The following FGF12 variants were observed in gnomAD, a reference collection of about 807,000 sequenced individuals.
FGF12 encodes the protein fibroblast growth factor 12B.
In FGF12, 14 loss-of-function variants were observed where a neutral mutation model predicts 23.6. The observed-to-expected ratio is 0.59, with a 90% confidence interval of 0.39 to 0.93. The LOEUF is 0.93. Among genes scored for constraint, FGF12 ranks in the 40% least tolerant of loss-of-function variants. FGF12 has a pLI of 0.00. For synonymous variants in FGF12, 62 were observed against 77.3 expected, an observed-to-expected ratio of 0.80 and a Z score of 1.04; for missense variants, 175 against 217.8, an observed-to-expected ratio of 0.80 and a Z score of 1.24.
intron 2 of FGF12, among the ~76,000 whole-genome samples, chr3:192,639,467 A>G (rs1715709556): frequency 6.6e-6 from 1 of 152,244 alleles, no homozygotes; most frequent in African/African-American, 2.4e-5. Flanking sequence ...GCCCCCAAAA[A>G]TGAACTCACC....
chr3:192,455,550 A>G (rs891927333), intron 2 of FGF12, among the ~76,000 whole-genome samples: 1 of 152,206 alleles, frequency 6.6e-6, no homozygotes, highest in African/African-American at 2.4e-5. Flanking sequence ...ATCTCTACAC[A>G]GTTTATTGTG....
chr3:192,668,663 C>G (rs1263811404), intron 2 of FGF12, among the ~76,000 whole-genome samples: 1 of 152,148 alleles, frequency 6.6e-6, no homozygotes, highest in African/African-American at 2.4e-5. Context: ...ATCATGAGAC[C>G]TGGTTTGGAG....
chr3:192,369,174 T>C (rs757743459), intron 2 of FGF12, among the ~76,000 whole-genome samples: 12 of 152,204 alleles, frequency 7.9e-5, no homozygotes, highest in Non-Finnish European at 1.8e-4. Context: ...ACAAGGTAGA[T>C]GAGGAGTGTT....
intron 4 of FGF12, among the ~76,000 whole-genome samples, chr3:192,279,280 T>A (rs1186109850): frequency 7.0e-6 from 1 of 142,912 alleles, no homozygotes; most frequent in East Asian, 2.0e-4. Context: ...TAGAGAACTT[T>A]ATTTAACCTA....
At chr3:192,158,368 T>TTCTTTCTTTCTTTCTTTC (rs1714597410) in intron 5 of FGF12, among the ~76,000 whole-genome samples, 1 of 98,636 alleles carries the variant, frequency 1.0e-5, no homozygotes, top group African/African-American at 5.0e-5. Context: ...CTTTCTTTCT[T>TTCTTTCTTTCTTTCTTTC]TCTTTCTTTC....
intron 2 of FGF12, among the ~76,000 whole-genome samples, chr3:192,439,222 G>A (rs748945994): frequency 1.6e-4 from 25 of 152,146 alleles, no homozygotes; most frequent in Non-Finnish European, 3.1e-4. Flanking sequence ...GAAATTCACT[G>A]ACCTAGCCTT....
chr3:192,280,389 T>C (rs958030859), intron 4 of FGF12, among the ~76,000 whole-genome samples: 2 of 152,110 alleles, frequency 1.3e-5, no homozygotes, highest in African/African-American at 2.4e-5. Context: ...AATAACTCAA[T>C]ATTTTACTTT....
At chr3:192,166,533 A>T (rs780724938) in intron 5 of FGF12, among the ~76,000 whole-genome samples, 3 of 152,230 alleles carry the variant, frequency 2.0e-5, no homozygotes, top group Non-Finnish European at 4.4e-5. Flanking sequence ...TCAAGTCAGA[A>T]TGCTTTGGTT....
intron 2 of FGF12, among the ~76,000 whole-genome samples, chr3:192,592,189 G>A (rs892666079): frequency 6.6e-6 from 1 of 151,864 alleles, no homozygotes; most frequent in Non-Finnish European, 1.5e-5. Flanking sequence ...GTCTGAAGTT[G>A]TTTTATCAGT....
At position 192,727,531 on chromosome 3, in the gene FGF12, G is replaced by A; in HGVS notation, c.-178C>T. ...GGAGCTGTCCTCCGAGCGTGGTGCTGCAGGTGTAGTGACAGATCATCCCAC... is the reference window on the plus strand; with the variant it reads ...GGAGCTGTCCTCCGAGCGTGGTGCTACAGGTGTAGTGACAGATCATCCCAC... On this transcript the variant is annotated 5_prime_UTR_variant, in exon 1 of 6. Coordinates refer to ENST00000445105, the MANE Select transcript of FGF12 (RefSeq NM_004113.6). 2.0e-6 allele frequency: 1 copy of A among 495,732 alleles called. No homozygotes were observed. The highest frequency in any genetic ancestry group is 3.6e-6 in the Non-Finnish European group (1 of 277,618). The allele number at this position is 495,732 out of a possible 1,614,324, so 30.7% of individuals were successfully genotyped here.
intron 5 of FGF12, among the ~76,000 whole-genome samples, chr3:192,165,849 T>G (rs923185146): frequency 6.6e-6 from 1 of 152,212 alleles, no homozygotes; most frequent in Non-Finnish European, 1.5e-5. Context: ...GTTCCTGGAC[T>G]GCAACCCCAG....
At chr3:192,684,608 A>G (rs1717666060) in intron 2 of FGF12, among the ~76,000 whole-genome samples, 1 of 152,192 alleles carries the variant, frequency 6.6e-6, no homozygotes, top group Non-Finnish European at 1.5e-5. Context: ...GTTTCAGCTT[A>G]CCTTTGAAAA....
At chr3:192,726,911 T>G in intron 2 of FGF12, 1 of 527,002 alleles carries the variant, frequency 1.9e-6, no homozygotes. Flanking sequence ...CTCCTCCATT[T>G]TGGGGGGACT....
chr3:192,377,296 G>C (rs1364847078), intron 2 of FGF12, among the ~76,000 whole-genome samples: 1 of 152,212 alleles, frequency 6.6e-6, no homozygotes, highest in African/African-American at 2.4e-5. Context: ...ATGCTCACCT[G>C]TTGATGCCTA....
At chr3:192,657,059 T>C (rs990468537) in intron 2 of FGF12, among the ~76,000 whole-genome samples, 7 of 152,100 alleles carry the variant, frequency 4.6e-5, no homozygotes, top group East Asian at 3.9e-4. Context: ...TATGTAATCA[T>C]ACAATGGTTG....
intron 2 of FGF12, among the ~76,000 whole-genome samples, chr3:192,663,346 G>T (rs964862061): frequency 1.3e-5 from 2 of 152,162 alleles, no homozygotes; most frequent in African/African-American, 2.4e-5. Flanking sequence ...GAATTGTTCT[G>T]AAGGTCAAAT....
chr3:192,322,843 C>A (rs116291509), intron 4 of FGF12, among the ~76,000 whole-genome samples: 1,697 of 152,180 alleles, frequency 0.011, 25 homozygotes, highest in East Asian at 0.049. Flanking sequence ...GGACAAAAAT[C>A]AAATCAAAAT....
chr3:192,351,141 C>T (rs140629013), intron 3 of FGF12, among the ~76,000 whole-genome samples: 1 of 152,278 alleles, frequency 6.6e-6, no homozygotes, highest in East Asian at 1.9e-4. Context: ...AAAAGTTTCC[C>T]ATTTTTCAAA....
intron 2 of FGF12, among the ~76,000 whole-genome samples, chr3:192,370,193 C>A (rs1719162397): frequency 6.6e-6 from 1 of 152,114 alleles, no homozygotes; most frequent in African/African-American, 2.4e-5. Flanking sequence ...ACAAGTTTTA[C>A]TTTATTCTTT....
Sources: gnomAD v4.1 joint callset for allele counts (sites outside exome capture counted in the v4.1 genomes callset) on GRCh38, gnomAD v4.1.1 for gene constraint, MANE v1.5 for transcripts, NCBI Gene and HGNC (gene_info 2026-07-23, HGNC 2026-07-21) for gene names.